The following PAQR5 variants were observed in gnomAD, a reference collection of about 807,000 sequenced individuals.
PAQR5 encodes progestin and adipoQ receptor family member 5, also known as membrane progestin receptor gamma.
A neutral mutation model predicts 34.5 loss-of-function variants in PAQR5; 20 were observed. That is an observed-to-expected ratio of 0.58 (90% CI 0.41 to 0.84). The LOEUF is 0.84. Among genes scored for constraint, PAQR5 ranks in the 40% least tolerant of loss-of-function variants. The pLI, the probability that PAQR5 is intolerant of heterozygous loss-of-function variation, is 0.00. For synonymous variants in PAQR5, 131 were observed against 155.6 expected (o/e 0.84, Z 1.18); for missense variants, 378 against 412.7 (o/e 0.92, Z 0.73).
chr15:69,357,902 C>T (rs965562475), intron 2 of PAQR5, among the ~76,000 whole-genome samples: 3 of 152,230 alleles, frequency 2.0e-5, no homozygotes, highest in South Asian at 2.1e-4. Flanking sequence ...GCATACACCC[C>T]GAGTTTCCAG....
chr15:69,368,875 C>T (rs2055477286), intron 3 of PAQR5, among the ~76,000 whole-genome samples: 1 of 152,064 alleles, frequency 6.6e-6, no homozygotes, highest in Admixed American at 6.5e-5. Context: ...AAGTGATGCT[C>T]CTGCCTCAGC....
chr15:69,316,912 TG>T (rs2053964931), intron 1 of PAQR5, among the ~76,000 whole-genome samples: 1 of 152,164 alleles, frequency 6.6e-6, no homozygotes, highest in East Asian at 1.9e-4. Context: ...ACCTGCCTCC[TG>T]GGTTTAAGCA....
At chr15:69,348,610 C>A (rs1297916661) in intron 2 of PAQR5, among the ~76,000 whole-genome samples, 1 of 152,128 alleles carries the variant, frequency 6.6e-6, no homozygotes, top group African/African-American at 2.4e-5. Flanking sequence ...TAGGTGTCAA[C>A]TTGGCAGGGG....
chr15:69,399,027 A>G (rs957574904), intron 7 of PAQR5, among the ~76,000 whole-genome samples: 20 of 152,222 alleles, frequency 1.3e-4, no homozygotes, highest in African/African-American at 4.8e-4. Flanking sequence ...GAAATGATGC[A>G]TGTAAGAGGC....
chr15:69,390,340 A>ATTTTTTTTTTTT (rs1450802023), intron 6 of PAQR5, among the ~76,000 whole-genome samples: 1 of 99,452 alleles, frequency 1.0e-5, no homozygotes, highest in Admixed American at 1.2e-4. Flanking sequence ...TTATTTATTT[A>ATTTTTTTTTTTT]TTTATTTATT....
At chr15:69,311,363 A>G (rs2053830822) in intron 1 of PAQR5, among the ~76,000 whole-genome samples, 1 of 152,172 alleles carries the variant, frequency 6.6e-6, no homozygotes, top group Non-Finnish European at 1.5e-5. Context: ...CAAGAGAATG[A>G]TTGGACTGAT....
intron 8 of PAQR5, among the ~76,000 whole-genome samples, chr15:69,401,516 G>A (rs991312414): frequency 1.3e-5 from 2 of 152,172 alleles, no homozygotes; most frequent in Non-Finnish European, 2.9e-5. Flanking sequence ...CCCCAGCCCC[G>A]CTTAATGAAG....
intron 2 of PAQR5, among the ~76,000 whole-genome samples, chr15:69,358,702 G>C (rs1017009698): frequency 1.7e-4 from 23 of 138,730 alleles, no homozygotes; most frequent in African/African-American, 6.2e-4. Flanking sequence ...CATGATCATG[G>C]CTCACAGCAG....
At chr15:69,332,127 G>C (rs1454074591) in intron 1 of PAQR5, among the ~76,000 whole-genome samples, 1 of 152,204 alleles carries the variant, frequency 6.6e-6, no homozygotes, top group Non-Finnish European at 1.5e-5. Flanking sequence ...CTCTGCAAGG[G>C]TTTGATTAAT....
chr15:69,397,424 C>T, intron 6 of PAQR5, 44 bp from the exon 7 acceptor site: 1 of 1,334,924 alleles, frequency 7.5e-7, no homozygotes, highest in Middle Eastern at 1.8e-4. Flanking sequence ...TTTGCTGAGA[C>T]TCTTTTCATT....
chr15:69,347,827 T>C (rs929908841), intron 2 of PAQR5, among the ~76,000 whole-genome samples: 2 of 152,180 alleles, frequency 1.3e-5, no homozygotes, highest in African/African-American at 2.4e-5. Context: ...TTAAGTCCCT[T>C]TCATGAAGAC....
intron 1 of PAQR5, among the ~76,000 whole-genome samples, chr15:69,322,774 G>GAGGAAGAAGAAGAAGAAGA (rs1566998035): frequency 6.2e-5 from 2 of 32,428 alleles, no homozygotes; most frequent in Non-Finnish European, 1.1e-4. Context: ...GAAGAAGAGG[G>GAGGAAGAAGAAGAAGAAGA]AGAAGAAGAA....
intron 1 of PAQR5, among the ~76,000 whole-genome samples, chr15:69,333,490 T>G (rs2054437463): frequency 6.6e-6 from 1 of 152,128 alleles, no homozygotes; most frequent in Non-Finnish European, 1.5e-5. Context: ...AGACGCATGC[T>G]CTCGGCCACC....
rs1555411033 is a variant in PAQR5 at position 69,300,841 on chromosome 15, T to TTTTTTC, written c.-277+1788_-277+1789insTTCTTT. ...TTCCTTCCTTCCTTCCTTTAGTTCG[T>TTTTTTC]TTTCTTTCTTTCTTTCTTTCTTTCT... On this transcript the variant is annotated intron_variant, in intron 1 of 8. Coordinates refer to ENST00000395407, the MANE Select transcript of PAQR5 (RefSeq NM_017705.4). Among the ~76,000 whole-genome samples the TTTTTTC allele has an allele frequency of 3.1e-4, 6 of 19,536 alleles. 1 individual carries two copies. Among genetic ancestry groups the TTTTTTC allele is most frequent in the African/African-American group, 1.1e-3 (6 of 5,614 alleles). The allele number at this position is 19,536 out of a possible 152,430, so 12.8% of individuals were successfully genotyped here.
In PAQR5 at chr15:69,406,869, C is replaced by CA. The variant is rs776290332; in HGVS notation, c.*3063dup. On this transcript the variant is annotated 3_prime_UTR_variant, in exon 9 of 9. Coordinates refer to ENST00000395407, the MANE Select transcript of PAQR5 (RefSeq NM_017705.4). ...TGGGCAACAGGGCAAGACCCTGCCT[C>CA]AAAAAAAAAAAAAAAAGAATTTGTA... is the stretch of plus-strand genomic sequence containing the variant. 8.0e-3 allele frequency: 824 copies of CA among 102,608 alleles called. 8 individuals are homozygous for CA. Among genetic ancestry groups the CA allele is most frequent in the Middle Eastern group, 0.022 (4 of 178 alleles). 6.4% of individuals were successfully genotyped at this position (102,608 alleles called of 1,614,324 possible). A position where few individuals can be genotyped will look rare whatever the true frequency, so the allele number is the denominator to read the frequency against.
chr15:69,386,176 C>T (rs113241177), intron 5 of PAQR5, among the ~76,000 whole-genome samples: 2,935 of 151,586 alleles, frequency 0.019, 98 homozygotes, highest in African/African-American at 0.067. Flanking sequence ...TGCTCATATA[C>T]GCACACATAC....
chr15:69,358,838 A>G (rs955434523), intron 2 of PAQR5, among the ~76,000 whole-genome samples: 1 of 151,008 alleles, frequency 6.6e-6, no homozygotes, highest in Non-Finnish European at 1.5e-5. Context: ...CTGGTCTTGA[A>G]CTCTGGGGCT....
At chr15:69,323,290 G>A (rs1405198219) in intron 1 of PAQR5, among the ~76,000 whole-genome samples, 1 of 152,240 alleles carries the variant, frequency 6.6e-6, no homozygotes, top group African/African-American at 2.4e-5. Flanking sequence ...GATGGCCTCT[G>A]CCATGCTCCC....
chr15:69,396,219 G>C (rs1290104387), intron 6 of PAQR5, among the ~76,000 whole-genome samples: 2 of 149,470 alleles, frequency 1.3e-5, no homozygotes, highest in Admixed American at 1.4e-4. Flanking sequence ...GCTCATACGA[G>C]ATATGAACAG....
Sources: allele counts gnomAD v4.1 joint callset (sites outside exome capture counted in the v4.1 genomes callset), GRCh38; gene constraint gnomAD v4.1.1; transcripts MANE v1.5; gene names NCBI Gene and HGNC (gene_info 2026-07-23, HGNC 2026-07-21).